Variants in SARM1 observed in about 807,000 individuals in gnomAD.
The protein encoded by SARM1 is NAD(+) hydrolase SARM1.
A neutral mutation model predicts 65.1 loss-of-function variants in SARM1; 60 were observed. That is an observed-to-expected ratio of 0.92 (90% CI 0.75 to 1.14). The LOEUF (loss-of-function observed/expected upper bound fraction) is 1.14, where lower values mean the gene tolerates loss of function less well. Among genes scored for constraint, SARM1 ranks in the 50% most tolerant of loss-of-function variants. The pLI, the probability that SARM1 is intolerant of heterozygous loss-of-function variation, is 0.00. For missense variants in SARM1, 913 were observed against 1,015.7 expected, an observed-to-expected ratio of 0.90 and a Z score of 1.37; for synonymous variants, 417 against 465.4, an observed-to-expected ratio of 0.90 and a Z score of 1.34.
At chr17:28,378,658 TG>T (rs2068006187) in intron 1 of SARM1, among the ~76,000 whole-genome samples, 1 of 152,236 alleles carries the variant, frequency 6.6e-6, no homozygotes, top group South Asian at 2.1e-4. Flanking sequence ...TTGGGTTTTT[TG>T]TTTGTTTGTT....
chr17:28,399,487 C>A lies in SARM1; in HGVS notation c.*3201C>A, dbSNP rs781938648. ...AGATCCTAGACAGAGGCTGGGTCAG[C>A]TGTGGATGGGGTGGTGCCTTGGTCT... is the stretch of plus-strand genomic sequence containing the variant. On this transcript the variant is annotated 3_prime_UTR_variant, in exon 9 of 9. Transcript: ENST00000585482. 1.4e-5 allele frequency: 9 copies of A among 649,844 alleles called. No individual in the cohort carries two copies. Among genetic ancestry groups the A allele is most frequent in the Non-Finnish European group, 2.4e-5 (9 of 369,450 alleles). The allele number at this position is 649,844 out of a possible 1,614,324, so 40.3% of individuals were successfully genotyped here. A position where few individuals can be genotyped will look rare whatever the true frequency, so the allele number is the denominator to read the frequency against.
rs782060590 is a variant in SARM1, at chr17:28,399,579, G to A, written c.*3293G>A. 2 of 1,480,394 alleles carry A rather than the reference G, an allele frequency of 1.4e-6. No homozygotes were observed. Among genetic ancestry groups the A allele is most frequent in the East Asian group, 4.5e-5 (2 of 44,040 alleles). The allele number at this position is 1,480,394 out of a possible 1,614,324, so 91.7% of individuals were successfully genotyped here. The stretch of plus-strand genomic sequence containing the variant: ...AGAGTTGCTTGTCCTGCTGTGGGCT[G>A]GGCTTCCAGCTGCAGACCTCCAGTT... On this transcript the variant is annotated 3_prime_UTR_variant, in exon 9 of 9. Coordinates refer to ENST00000585482, the MANE Select transcript of SARM1 (RefSeq NM_015077.4).
At position 28,385,179 on chromosome 17, in the gene SARM1, C is replaced by T. The variant is rs782714304; in HGVS notation, c.1534C>T (p.Arg512Cys). 1.2e-6 allele frequency: 2 copies of T among 1,610,058 alleles called. No individual in the cohort carries two copies. The highest frequency in any genetic ancestry group is 4.5e-5 in the East Asian group (2 of 44,762). Residue 512 changes from arginine to cysteine, a missense_variant, in exon 5 of 9, where the codon CGC (arginine) becomes TGC (cysteine). Around this residue, in one of 3 missense-constraint regions of SARM1, gnomAD observed 862 missense variants for 952.1 expected, o/e 0.91. Transcript: ENST00000585482. The surrounding 1 kb of genome is among the most constrained non-coding windows in gnomAD (Gnocchi z 4.5). ...TYGLVSCGLD[R>C]SLLHRVSEQQ... ...CGGCCTGGTCAGCTGCGGCCTGGAC[C>T]GCTCCCTGCTGCACCGCGTGTCTGA... is the stretch of plus-strand genomic sequence containing the variant.
Position 28,372,465 on chromosome 17 carries a change from G to A in SARM1, c.433G>A (p.Ala145Thr). 6.5e-7 allele frequency: 1 copy of A among 1,530,082 alleles called. No individual in the cohort carries two copies. The highest frequency in any genetic ancestry group is 8.7e-7 in the Non-Finnish European group (1 of 1,145,354). 94.8% of individuals were successfully genotyped at this position (1,530,082 alleles called of 1,614,324 possible). Residue 145 changes from alanine (A) to threonine (T), a missense_variant, in exon 1 of 9, where the codon GCG (alanine) becomes ACG (threonine). Physicochemically the swap from Ala to Thr is moderately conservative, Grantham distance 58 (BLOSUM62 0). Transcript: ENST00000585482. This position sits in a 1 kb window ranked among gnomAD's most constrained non-coding sequence, Gnocchi z 5.2. Reference sequence around the variant, plus strand: ...GGAGTTGGAGACGCGTGTGCAGGCCGCGCGCCTGCTGGAGCAGATCCTGGT... The same window carrying A: ...GGAGTTGGAGACGCGTGTGCAGGCCACGCGCCTGCTGGAGCAGATCCTGGT... Reference protein sequence around the residue: ...APELETRVQAARLLEQILVAE... With the variant: ...APELETRVQATRLLEQILVAE...
chr17:28,380,057 C>CTTTTTTTTTTTTTTTTTTTTTT (rs61029083), intron 1 of SARM1, among the ~76,000 whole-genome samples: 2 of 106,114 alleles, frequency 1.9e-5, no homozygotes, highest in African/African-American at 3.7e-5. Context: ...TTTTTCTTTT[C>CTTTTTTTTTTTTTTTTTTTTTT]TTTTTTTTTT....
At chr17:28,374,970 C>CAAAAAAAAAAA (rs35032822) in intron 1 of SARM1, among the ~76,000 whole-genome samples, 2 of 70,432 alleles carry the variant, frequency 2.8e-5, no homozygotes, top group Non-Finnish European at 2.7e-5. Context: ...CAGACCTTGT[C>CAAAAAAAAAAA]AAAAAAAAAA....
rs886052739 is a variant in SARM1 at position 28,395,743 on chromosome 17, T to A, written c.1924-162T>A. The A allele has an allele frequency of 1.5e-6, 1 of 681,322 alleles. No individual in the cohort carries two copies. The highest frequency in any genetic ancestry group is 2.5e-6 in the Non-Finnish European group (1 of 405,946). 42.2% of individuals were successfully genotyped at this position (681,322 alleles called of 1,614,324 possible). On this transcript the variant is annotated intron_variant, in intron 7 of 8. Transcript: ENST00000585482. ...TGGGCAAAGGAAAAATATTTATTTT[T>A]TATTACACTACAAGGGTTAAGGTAG...
intron 7 of SARM1, among the ~76,000 whole-genome samples, chr17:28,391,420 G>A (rs1388307700): frequency 6.6e-6 from 1 of 152,152 alleles, no homozygotes; most frequent in Non-Finnish European, 1.5e-5. Flanking sequence ...GTGGGTCTTA[G>A]GATGAAGGCT....
At chr17:28,386,930 G>C (rs2068052818) in intron 5 of SARM1, among the ~76,000 whole-genome samples, 1 of 152,072 alleles carries the variant, frequency 6.6e-6, no homozygotes, top group Non-Finnish European at 1.5e-5. Context: ...GTGGAGACAG[G>C]GTTTCACTAT....
chr17:28,374,769 G>A (rs1286322188), intron 1 of SARM1, among the ~76,000 whole-genome samples: 1 of 151,966 alleles, frequency 6.6e-6, no homozygotes, highest in Non-Finnish European at 1.5e-5. Flanking sequence ...TTGAGGCCAG[G>A]AGTTCAAGAC....
Position 28,384,876 on chromosome 17 carries a change from C to T in SARM1, c.1340C>T (p.Thr447Met). The T allele has an allele frequency of 6.4e-7, 1 of 1,558,646 alleles. No homozygotes were observed. The highest frequency in any genetic ancestry group is 8.7e-7 in the Non-Finnish European group (1 of 1,151,288). ...GATGGCGACCTGCTTCTGCGGCTCACGGAGGAGGAACTCCAGACCGACCTG... is the reference window on the plus strand; with the variant it reads ...GATGGCGACCTGCTTCTGCGGCTCATGGAGGAGGAACTCCAGACCGACCTG... ...QVDGDLLLRLTEEELQTDLGM... is the reference protein window; with the variant it reads ...QVDGDLLLRLMEEELQTDLGM... The change falls in exon 4 of 9, where the codon ACG becomes ATG. Residue 447 changes from threonine to methionine, a missense_variant. Physicochemically the swap from Thr to Met is moderately conservative, Grantham distance 81. Around this residue, in one of 3 missense-constraint regions of SARM1, gnomAD observed 862 missense variants for 952.1 expected, o/e 0.91. Transcript: ENST00000585482. This position sits in a 1 kb window ranked among gnomAD's most constrained non-coding sequence, Gnocchi z 4.4.
In SARM1 at chr17:28,385,580, G is replaced by C. The variant is rs2068046928; in HGVS notation, c.1630+305G>C. The C allele has an allele frequency of 2.2e-5, 10 of 447,422 alleles. No homozygotes were observed. The highest frequency in any genetic ancestry group is 8.2e-5 in the Admixed American group (2 of 24,352). 27.7% of individuals were successfully genotyped at this position (447,422 alleles called of 1,614,324 possible). A position where few individuals can be genotyped will look rare whatever the true frequency, so the allele number is the denominator to read the frequency against. Reference sequence around the variant, plus strand: ...AAGCCCAGCCCACCCCATCCACCCAGGTCTAGATTTCAGAGAGGACAGGAT... The same window carrying C: ...AAGCCCAGCCCACCCCATCCACCCACGTCTAGATTTCAGAGAGGACAGGAT... On this transcript the variant is annotated intron_variant, in intron 5 of 8. Coordinates refer to ENST00000585482, the MANE Select transcript of SARM1 (RefSeq NM_015077.4). This position sits in a 1 kb window ranked among gnomAD's most constrained non-coding sequence, Gnocchi z 4.5.
At chr17:28,393,486 G>A (rs372717792) in intron 7 of SARM1, among the ~76,000 whole-genome samples, 1 of 152,042 alleles carries the variant, frequency 6.6e-6, no homozygotes, top group East Asian at 1.9e-4. Flanking sequence ...AGGAGGTTGA[G>A]GCTGCAGTGA....
Position 28,398,196 on chromosome 17 carries a change from A to G in SARM1, c.*1910A>G, listed in dbSNP as rs1386293473. Reference sequence around the variant, plus strand: ...GATTTCTGGCTCTTTGTCTCCAATCAGTCCCACTCCCTCCTGAGGTCCCCA... The same window carrying G: ...GATTTCTGGCTCTTTGTCTCCAATCGGTCCCACTCCCTCCTGAGGTCCCCA... On this transcript the variant is annotated 3_prime_UTR_variant, in exon 9 of 9. Coordinates refer to ENST00000585482, the MANE Select transcript of SARM1 (RefSeq NM_015077.4). 1 of 152,372 alleles carries G rather than the reference A, an allele frequency of 6.6e-6. No homozygotes were observed. Among genetic ancestry groups the G allele is most frequent in the Non-Finnish European group, 1.5e-5 (1 of 68,160 alleles). 9.4% of individuals were successfully genotyped at this position (152,372 alleles called of 1,614,324 possible).
At position 28,388,474 on chromosome 17, in the gene SARM1, G is replaced by A. The variant is rs782001345; in HGVS notation, c.1858G>A (p.Val620Met). The A allele has an allele frequency of 4.3e-6, 7 of 1,613,854 alleles. No homozygotes were observed. The highest frequency in any genetic ancestry group is 1.7e-5 in the Admixed American group (1 of 60,002). Reference protein sequence around the residue: ...SVMGARNFVLVLSPGALDKCM... With the variant: ...SVMGARNFVLMLSPGALDKCM... ...CATGGGTGCCCGCAACTTTGTGTTG[G>A]TGCTATCACCTGGAGCACTGGACAA... The change falls in exon 7 of 9, where the codon GTG (valine) becomes ATG (methionine). Residue 620 changes from valine (V) to methionine (M), a missense_variant. Physicochemically the swap from Val to Met is conservative, Grantham distance 21 (BLOSUM62 1). Coordinates refer to ENST00000585482, the MANE Select transcript of SARM1 (RefSeq NM_015077.4).
rs371552122 is a variant in SARM1, at chr17:28,381,263, C to T, written c.531C>T (p.Pro177=). The change falls in exon 2 of 9, where the codon CCC becomes CCT. Residue 177 remains proline, a synonymous_variant. Coordinates refer to ENST00000585482, the MANE Select transcript of SARM1 (RefSeq NM_015077.4). ...VILNLAKERE[P]VELARSVAGI... ...TGAACCTGGCGAAGGAACGCGAACC[C>T]GTAGAGCTGGCGCGGAGCGTGGCAG... is the stretch of plus-strand genomic sequence containing the variant. The T allele has an allele frequency of 5.0e-6, 8 of 1,610,294 alleles. No individual in the cohort carries two copies. Among genetic ancestry groups the T allele is most frequent in the Non-Finnish European group, 6.8e-6 (8 of 1,178,536 alleles).
chr17:28,399,482 G>A lies in SARM1; in HGVS notation c.*3196G>A, dbSNP rs963191889. The A allele has an allele frequency of 3.1e-6, 2 of 637,842 alleles. No homozygotes were observed. The highest frequency in any genetic ancestry group is 3.8e-5 in the South Asian group (2 of 52,480). The allele number at this position is 637,842 out of a possible 1,614,324, so 39.5% of individuals were successfully genotyped here. A position where few individuals can be genotyped will look rare whatever the true frequency, so the allele number is the denominator to read the frequency against. ...ATTCTAGATCCTAGACAGAGGCTGG[G>A]TCAGCTGTGGATGGGGTGGTGCCTT... On this transcript the variant is annotated 3_prime_UTR_variant, in exon 9 of 9. Transcript: ENST00000585482.
chr17:28,395,747 T>C, intron 7 of SARM1, 158 bp from the exon 8 acceptor site: 1 of 698,844 alleles, frequency 1.4e-6, no homozygotes, highest in Non-Finnish European at 2.4e-6. Context: ...TATTTTTTAT[T>C]ACACTACAAG....
At position 28,385,053 on chromosome 17, in the gene SARM1, C is replaced by T; in HGVS notation, c.1408C>T (p.Leu470Phe). 6.2e-7 allele frequency: 1 copy of T among 1,613,498 alleles called. No individual in the cohort carries two copies. Among genetic ancestry groups the T allele is most frequent in the South Asian group, 1.1e-5 (1 of 91,022 alleles). Residue 470 changes from leucine to phenylalanine, a missense_variant, in exon 5 of 9, where the codon CTC (leucine) becomes TTC (phenylalanine). Physicochemically the swap from Leu to Phe is conservative, Grantham distance 22 (BLOSUM62 0). Around this residue, in one of 3 missense-constraint regions of SARM1, gnomAD observed 862 missense variants for 952.1 expected, o/e 0.91. Coordinates refer to ENST00000585482, the MANE Select transcript of SARM1 (RefSeq NM_015077.4). The surrounding 1 kb of genome is among the most constrained non-coding windows in gnomAD (Gnocchi z 4.5). ...GITRKRFFRE[L>F]TELKTFANYS... is the part of the protein sequence containing the mutation. Reference sequence around the variant, plus strand: ...CGTGGGGTGCAGGTTCTTTAGGGAGCTCACGGAGCTCAAGACCTTCGCCAA... The same window carrying T: ...CGTGGGGTGCAGGTTCTTTAGGGAGTTCACGGAGCTCAAGACCTTCGCCAA...
Sources: allele counts gnomAD v4.1 joint callset (sites outside exome capture counted in the v4.1 genomes callset), GRCh38; gene constraint gnomAD v4.1.1; regional missense constraint gnomAD v4.1.1; non-coding constraint Gnocchi (gnomAD v3.1); transcripts MANE v1.5; gene names NCBI Gene and HGNC (gene_info 2026-07-23, HGNC 2026-07-21).